The following MS4A14 variants were observed in gnomAD, a reference collection of about 807,000 sequenced individuals.
The protein encoded by MS4A14 is membrane spanning 4-domains A14, also known as membrane-spanning 4-domains subfamily A member 14.
In MS4A14, 18 loss-of-function variants were observed where a neutral mutation model predicts 16.7. The observed-to-expected ratio is 1.08, with a 90% CI of 0.75 to 1.60. The LOEUF is 1.60. Among genes scored for constraint, MS4A14 ranks in the 40% most tolerant of loss-of-function variants. The pLI, the probability that MS4A14 is intolerant of heterozygous loss-of-function variation, is 0.00. For missense variants in MS4A14, 812 were observed against 775.3 expected, an observed-to-expected ratio of 1.05 and a Z score of -0.56; for synonymous variants, 305 against 289.4, an observed-to-expected ratio of 1.05 and a Z score of -0.55.
At chr11:60,399,525 G>A (rs1047194635) in intron 2 of MS4A14, among the ~76,000 whole-genome samples, 10 of 152,196 alleles carry the variant, frequency 6.6e-5, no homozygotes, top group African/African-American at 1.9e-4. Flanking sequence ...GCCACTGAAC[G>A]TTTTTAAAGA....
chr11:60,396,793 A>G, intron 1 of MS4A14, 77 bp downstream of exon 1: 1 of 1,395,392 alleles, frequency 7.2e-7, no homozygotes, highest in Non-Finnish European at 9.7e-7. Context: ...CTGCAGAGAT[A>G]TGCAGAGATT....
rs1264304187 is a variant in MS4A14, at chr11:60,415,744, C to T, written c.776C>T (p.Pro259Leu). The change falls in exon 5 of 5, where the codon CCC becomes CTC. Residue 259 changes from proline (P) to leucine (L), a missense_variant. Coordinates refer to ENST00000300187, the MANE Select transcript of MS4A14 (RefSeq NM_032597.5). Reference sequence around the variant, plus strand: ...TTGCCTCCCACACTAGAGAAAAAGCCCTCAGAAAATATGTCCATTCAGCTA... The same window carrying T: ...TTGCCTCCCACACTAGAGAAAAAGCTCTCAGAAAATATGTCCATTCAGCTA... ...EPLPPTLEKK[P>L]SENMSIQLDS... The T allele has an allele frequency of 1.9e-6, 3 of 1,613,756 alleles. No homozygotes were observed. The Admixed American group carries it at 5.0e-5, about 27-fold the overall frequency.
At chr11:60,396,780 T>C in intron 1 of MS4A14, 64 bp downstream of exon 1, 3 of 1,513,614 alleles carry the variant, frequency 2.0e-6, no homozygotes, top group South Asian at 1.2e-5. Flanking sequence ...TATTCATGTA[T>C]GTCTGCAGAG....
rs1027050808 is a variant in MS4A14 at position 60,415,645 on chromosome 11, G to A, written c.677G>A (p.Arg226Lys). 1.2e-6 allele frequency: 2 copies of A among 1,613,854 alleles called. No individual in the cohort carries two copies. The highest frequency in any genetic ancestry group is 3.3e-5 in the Admixed American group (2 of 59,984). ...GTCTCCCAACCAGGTAATAAAGGTA[G>A]AGAATTTGTGCCAGATGAACAAAAG... ...PLVSQPGNKGREFVPDEQKQS... is the reference protein window; with the variant it reads ...PLVSQPGNKGKEFVPDEQKQS... The change falls in exon 5 of 5, where the codon AGA (arginine) becomes AAA (lysine). Residue 226 changes from arginine (R) to lysine (K), a missense_variant. By Grantham distance (26) the Arg-to-Lys change is conservative (BLOSUM62 2). Transcript: ENST00000300187.
At position 60,407,463 on chromosome 11, in the gene MS4A14, C is replaced by T. The variant is rs367565640; in HGVS notation, c.468+4402C>T. On this transcript the variant is annotated intron_variant, in intron 4 of 4. Transcript: ENST00000300187. ...TGCATCTAGGATTTGATTGCGAGAT[C>T]GTATGGTAACCAGATGTTTAACTTT... Among the ~76,000 whole-genome samples, 6 of 152,230 alleles carry T rather than the reference C, an allele frequency of 3.9e-5. No homozygotes were observed. The South Asian group carries it at 8.3e-4, about 21-fold the overall frequency.
chr11:60,409,533 T>TTG (rs1404727462), intron 4 of MS4A14, among the ~76,000 whole-genome samples: 2 of 150,036 alleles, frequency 1.3e-5, no homozygotes, highest in South Asian at 2.1e-4. Context: ...ATTCTATTGT[T>TTG]TGTGTGTGTG....
At chr11:60,413,640 A>G (rs2085898719) in intron 4 of MS4A14, among the ~76,000 whole-genome samples, 1 of 152,052 alleles carries the variant, frequency 6.6e-6, no homozygotes, top group African/African-American at 2.4e-5. Context: ...ACACTAAATA[A>G]CTCTTCAATT....
At position 60,397,852 on chromosome 11, in the gene MS4A14, G is replaced by A. The variant is rs1009515068; in HGVS notation, c.139G>A (p.Ala47Thr). ...CATGTACCCATTTCTCTCCTCACAGGCTACCCAGATCCTGCTTGCTCTAAT... is the reference window on the plus strand; with the variant it reads ...CATGTACCCATTTCTCTCCTCACAGACTACCCAGATCCTGCTTGCTCTAAT... ...FLKGEPRVLG[A>T]TQILLALIIV... The change falls in exon 2 of 5, where the codon GCT becomes ACT. Residue 47 changes from alanine (A) to threonine (T), a missense_variant and splice_region_variant. Physicochemically the swap from Ala to Thr is moderately conservative, Grantham distance 58. Transcript: ENST00000300187. 3 of 1,607,806 alleles carry A rather than the reference G, an allele frequency of 1.9e-6. No homozygotes were observed. The highest frequency in any genetic ancestry group is 2.2e-5 in the East Asian group (1 of 44,530).
intron 4 of MS4A14, among the ~76,000 whole-genome samples, chr11:60,408,141 CA>C (rs1163439821): frequency 3.3e-5 from 5 of 152,178 alleles, no homozygotes; most frequent in African/African-American, 1.2e-4. Flanking sequence ...GTTGAAAATG[CA>C]ATGCTTTCCT....
Position 60,416,824 on chromosome 11 carries a change from G to A in MS4A14, c.1856G>A (p.Gly619Glu). ...GCCCAAGAGAAGAAATCCCCGAAAG[G>A]ACAATTCCAAAATGTTCAAGCCGAA... ...QPAQEKKSPK[G>E]QFQNVQAEGQ... The change falls in exon 5 of 5, where the codon GGA becomes GAA. Residue 619 changes from glycine to glutamate, a missense_variant. Transcript: ENST00000300187. 6.2e-7 allele frequency: 1 copy of A among 1,613,630 alleles called. No individual in the cohort carries two copies. The highest frequency in any genetic ancestry group is 1.1e-5 in the South Asian group (1 of 91,064).
At chr11:60,404,749 C>T in intron 4 of MS4A14, 1 of 386,054 alleles carries the variant, frequency 2.6e-6, no homozygotes. Flanking sequence ...CTGACCTCAC[C>T]TCTATGCTCA....
chr11:60,402,105 G>A (rs2085721997), intron 3 of MS4A14, among the ~76,000 whole-genome samples: 1 of 152,094 alleles, frequency 6.6e-6, no homozygotes, highest in African/African-American at 2.4e-5. Context: ...GAGTGGGTAA[G>A]AAGGAAGAAA....
At chr11:60,406,968 T>G (rs114110789) in intron 4 of MS4A14, among the ~76,000 whole-genome samples, 1 of 151,376 alleles carries the variant, frequency 6.6e-6, no homozygotes, top group Non-Finnish European at 1.5e-5. Flanking sequence ...TTCATTCCCT[T>G]TATGTATGGG....
At chr11:60,409,835 T>C (rs989916632) in intron 4 of MS4A14, among the ~76,000 whole-genome samples, 1 of 146,538 alleles carries the variant, frequency 6.8e-6, no homozygotes, top group Non-Finnish European at 1.5e-5. Flanking sequence ...TTTCTTTCTT[T>C]AATTTTTATA....
rs2085737184 is a variant in MS4A14, at chr11:60,402,991, G to T, written c.398G>T (p.Arg133Ile). The T allele has an allele frequency of 3.7e-6, 6 of 1,613,726 alleles. No homozygotes were observed. The highest frequency in any genetic ancestry group is 1.6e-4 in the Middle Eastern group (1 of 6,078). The change falls in exon 4 of 5, where the codon AGA becomes ATA. Residue 133 changes from arginine to isoleucine, a missense_variant. Physicochemically the swap from Arg to Ile is moderately conservative, Grantham distance 97. Transcript: ENST00000300187. ...ATTACTTTCACCATTCTCAGCTACA[G>T]ACATCAAGACAAGTACTGCCAGATG... ...TGITFTILSYRHQDKYCQMPS... is the reference protein window; with the variant it reads ...TGITFTILSYIHQDKYCQMPS...
At chr11:60,408,461 C>G (rs995668543) in intron 4 of MS4A14, among the ~76,000 whole-genome samples, 1 of 152,134 alleles carries the variant, frequency 6.6e-6, no homozygotes, top group African/African-American at 2.4e-5. Flanking sequence ...AATCACTCCC[C>G]GATTCCCCTC....
chr11:60,414,410 G>T (rs564119698), intron 4 of MS4A14, among the ~76,000 whole-genome samples: 1 of 152,040 alleles, frequency 6.6e-6, no homozygotes, highest in Non-Finnish European at 1.5e-5. Flanking sequence ...AGCAAACGAG[G>T]TAAGCATAAT....
chr11:60,413,966 C>T (rs934548352), intron 4 of MS4A14, among the ~76,000 whole-genome samples: 5 of 152,066 alleles, frequency 3.3e-5, no homozygotes, highest in East Asian at 1.9e-4. Context: ...AACAGCTCTA[C>T]GATACTGGTC....
chr11:60,396,796 C>T, intron 1 of MS4A14, 80 bp downstream of exon 1: 1 of 1,397,426 alleles, frequency 7.2e-7, no homozygotes, highest in Non-Finnish European at 9.7e-7. Flanking sequence ...CAGAGATATG[C>T]AGAGATTATT....
Sources: gnomAD v4.1 joint callset for allele counts (sites outside exome capture counted in the v4.1 genomes callset) on GRCh38, gnomAD v4.1.1 for gene constraint, MANE v1.5 for transcripts, NCBI Gene and HGNC (gene_info 2026-07-23, HGNC 2026-07-21) for gene names.